The following SEPTIN7 variants were observed in gnomAD, a reference collection of about 807,000 sequenced individuals.
SEPTIN7 encodes septin-7.
A neutral mutation model predicts 63.3 loss-of-function variants in SEPTIN7; 10 were observed. That is an observed-to-expected ratio of 0.16 (90% CI 0.10 to 0.27). The LOEUF is 0.27. Among genes scored for constraint, SEPTIN7 ranks in the 10% least tolerant of loss-of-function variants. The pLI is 1.00. For missense variants in SEPTIN7, 310 were observed against 521.0 expected, an observed-to-expected ratio of 0.59 and a Z score of 3.94; for synonymous variants, 131 against 165.3, an observed-to-expected ratio of 0.79 and a Z score of 1.59.
At chr7:35,863,873 ACT>A (rs1205439491) in intron 4 of SEPTIN7, among the ~76,000 whole-genome samples, 1 of 147,818 alleles carries the variant, frequency 6.8e-6, no homozygotes, top group African/African-American at 2.5e-5. Context: ...TGTCTAGAGG[ACT>A]CTCCTAGAGA....
At chr7:35,834,828 C>T (rs1282356328) in intron 3 of SEPTIN7, among the ~76,000 whole-genome samples, 2 of 152,066 alleles carry the variant, frequency 1.3e-5, no homozygotes, top group Admixed American at 1.3e-4. Flanking sequence ...CTTTAATATT[C>T]TTGACTTAAA....
intron 3 of SEPTIN7, among the ~76,000 whole-genome samples, chr7:35,857,710 A>T (rs1785276897): frequency 6.6e-6 from 1 of 152,228 alleles, no homozygotes; most frequent in African/African-American, 2.4e-5. Flanking sequence ...CCAATGGGAA[A>T]AAGTATTATC....
intron 10 of SEPTIN7, among the ~76,000 whole-genome samples, chr7:35,887,681 C>T (rs1230063248): frequency 6.6e-6 from 1 of 152,216 alleles, no homozygotes; most frequent in Non-Finnish European, 1.5e-5. Context: ...CGAAGGTTCA[C>T]AGCCTGGCGG....
At chr7:35,871,814 A>G (rs1355963101) in intron 4 of SEPTIN7, among the ~76,000 whole-genome samples, 2 of 152,128 alleles carry the variant, frequency 1.3e-5, no homozygotes, top group Non-Finnish European at 2.9e-5. Context: ...TGGAGGAATT[A>G]TTCCCTTTTC....
At chr7:35,830,607 G>C (rs766176620) in intron 1 of SEPTIN7, among the ~76,000 whole-genome samples, 5 of 152,282 alleles carry the variant, frequency 3.3e-5, no homozygotes, top group Non-Finnish European at 7.4e-5. Context: ...GTCATTGGAT[G>C]ATTTTGTCAT....
intron 1 of SEPTIN7, among the ~76,000 whole-genome samples, chr7:35,821,656 T>G (rs1338084072): frequency 2.6e-5 from 4 of 152,282 alleles, no homozygotes; most frequent in African/African-American, 9.6e-5. Context: ...ACTTCAGTTT[T>G]TGGTCCACAT....
chr7:35,819,608 G>T (rs1474768363), intron 1 of SEPTIN7, among the ~76,000 whole-genome samples: 1 of 152,098 alleles, frequency 6.6e-6, no homozygotes, highest in Non-Finnish European at 1.5e-5. Flanking sequence ...GCAATTTGGG[G>T]ACTCTTTTAT....
In SEPTIN7 at chr7:35,863,706, C is replaced by T. The variant is rs760342727; in HGVS notation, c.276+48C>T. 12 of 949,238 alleles carry T rather than the reference C, an allele frequency of 1.3e-5. No homozygotes were observed. The East Asian group carries it at 1.3e-4, about 11-fold the overall frequency. The allele number at this position is 949,238 out of a possible 1,614,324, so 58.8% of individuals were successfully genotyped here. ...TTGATAAGCTGGAATAATATTAATACACACAAAGCACATGTTGTAACTTTT... is the reference window on the plus strand; with the variant it reads ...TTGATAAGCTGGAATAATATTAATATACACAAAGCACATGTTGTAACTTTT... On this transcript the variant is annotated intron_variant, in intron 4 of 13. Coordinates refer to ENST00000350320, the MANE Select transcript of SEPTIN7 (RefSeq NM_001788.6).
At chr7:35,803,403 G>T (rs1466994815) in intron 1 of SEPTIN7, among the ~76,000 whole-genome samples, 1 of 152,204 alleles carries the variant, frequency 6.6e-6, no homozygotes, top group Non-Finnish European at 1.5e-5. Flanking sequence ...AAGCTTGGGG[G>T]AGAAGAGGGA....
At chr7:35,825,201 T>G (rs1422761159) in intron 1 of SEPTIN7, among the ~76,000 whole-genome samples, 2 of 152,194 alleles carry the variant, frequency 1.3e-5, no homozygotes. Context: ...CATGTGATTG[T>G]GCATTCCTCT....
Position 35,905,152 on chromosome 7 carries a change from T to G in SEPTIN7, c.*859T>G, listed in dbSNP as rs1435887036. The G allele has an allele frequency of 6.6e-6, 1 of 152,666 alleles. No homozygotes were observed. Among genetic ancestry groups the G allele is most frequent in the African/African-American group, 2.4e-5 (1 of 41,466 alleles). 9.5% of individuals were successfully genotyped at this position (152,666 alleles called of 1,614,324 possible). ...AGCTAATGACCAACCTGTTTCTACC[T>G]ATATGCAGTCTCTTTATTTTACTAG... On this transcript the variant is annotated 3_prime_UTR_variant, in exon 14 of 14. Coordinates refer to ENST00000350320, the MANE Select transcript of SEPTIN7 (RefSeq NM_001788.6).
intron 1 of SEPTIN7, among the ~76,000 whole-genome samples, chr7:35,825,510 T>A (rs1162469356): frequency 6.6e-6 from 1 of 152,142 alleles, no homozygotes; most frequent in African/African-American, 2.4e-5. Flanking sequence ...AAGGATCTGA[T>A]CCCAGGATAG....
At chr7:35,885,273 T>G (rs752036577) in intron 9 of SEPTIN7, among the ~76,000 whole-genome samples, 1 of 152,214 alleles carries the variant, frequency 6.6e-6, no homozygotes, top group African/African-American at 2.4e-5. Flanking sequence ...CAGGCAACTT[T>G]TACTTGCTGA....
intron 3 of SEPTIN7, among the ~76,000 whole-genome samples, chr7:35,862,074 A>G (rs563686838): frequency 5.8e-4 from 88 of 152,300 alleles, no homozygotes; most frequent in African/African-American, 2.0e-3. Flanking sequence ...ATGCCACTCA[A>G]TAATACTTTT....
At chr7:35,913,828 G>A in the SEPTIN7 span, among the ~76,000 whole-genome samples, 7 of 152,238 alleles carry the variant, frequency 4.6e-5, no homozygotes, top group South Asian at 1.2e-3. Flanking sequence ...GGCCTAAAGT[G>A]AGCCTTACAC....
downstream of SEPTIN7, among the ~76,000 whole-genome samples, chr7:35,907,895 A>T (rs1266236070): frequency 6.6e-6 from 1 of 152,188 alleles, no homozygotes; most frequent in Non-Finnish European, 1.5e-5. Flanking sequence ...TTACATTGTG[A>T]CTGCACACGT....
chr7:35,889,160 G>C (rs545806941), intron 10 of SEPTIN7, among the ~76,000 whole-genome samples: 2 of 152,320 alleles, frequency 1.3e-5, no homozygotes, highest in East Asian at 1.9e-4. Context: ...CTGGGAAAAA[G>C]GTTTCCAAAG....
chr7:35,815,854 G>A (rs1455872945), intron 1 of SEPTIN7, among the ~76,000 whole-genome samples: 24 of 151,736 alleles, frequency 1.6e-4, no homozygotes. Flanking sequence ...AAATTACTAT[G>A]GTGTTAATAG....
intron 3 of SEPTIN7, among the ~76,000 whole-genome samples, chr7:35,833,351 A>G (rs1463387583): frequency 6.6e-6 from 1 of 151,992 alleles, no homozygotes; most frequent in Non-Finnish European, 1.5e-5. Flanking sequence ...GAATTCATTA[A>G]TTGAATGTAA....
Sources: gnomAD v4.1 joint callset for allele counts (sites outside exome capture counted in the v4.1 genomes callset) on GRCh38, gnomAD v4.1.1 for gene constraint, MANE v1.5 for transcripts, NCBI Gene and HGNC (gene_info 2026-07-23, HGNC 2026-07-21) for gene names.